Variants in IPO4 observed in about 807,000 individuals in gnomAD.
IPO4 encodes the protein importin 4, also known as importin-4.
Under a neutral mutation model 133.5 loss-of-function variants are expected in IPO4, and 91 were observed. That is an observed-to-expected ratio of 0.68 (90% CI 0.58 to 0.81). IPO4 has a LOEUF of 0.81. Ranked by LOEUF, IPO4 falls within the 30% of genes least tolerant of loss-of-function variation. The pLI, the probability that IPO4 is intolerant of heterozygous loss-of-function variation, is 0.00. For missense variants in IPO4, 1,279 were observed against 1,386.2 expected, an observed-to-expected ratio of 0.92 and a Z score of 1.23; for synonymous variants, 607 against 581.6, an observed-to-expected ratio of 1.04 and a Z score of -0.63.
In IPO4 at chr14:24,186,948, T is replaced by A. The variant is rs1229579402; in HGVS notation, c.686A>T (p.Asp229Val). 3 of 1,613,940 alleles carry A rather than the reference T, an allele frequency of 1.9e-6. No individual in the cohort carries two copies. Among genetic ancestry groups the A allele is most frequent in the African/African-American group, 1.3e-5 (1 of 74,866 alleles). ...AKACEALEAL[D>V]ELLESEVPVI... ...CGGCACCTCTGACTCCAACAGTTCA[T>A]CCAAAGCCTCAAGGGCCTCACAGGC... Residue 229 changes from aspartate (D) to valine (V), a missense_variant, in exon 8 of 30, where the codon GAT (aspartate) becomes GTT (valine). By Grantham distance (152) the Asp-to-Val change is radical. Transcript: ENST00000354464.
Position 24,184,686 on chromosome 14 carries a change from G to C in IPO4, c.1600C>G (p.Arg534Gly), listed in dbSNP as rs540480468. The C allele has an allele frequency of 1.9e-6, 3 of 1,611,524 alleles. No individual in the cohort carries two copies. The highest frequency in any genetic ancestry group is 2.5e-6 in the Non-Finnish European group (3 of 1,178,862). Residue 534 changes from arginine to glycine, a missense_variant, in exon 16 of 30, where the codon CGT becomes GGT. By Grantham distance (125) the Arg-to-Gly change is moderately radical. Around this residue, in one of 3 missense-constraint regions of IPO4, gnomAD observed 695 missense variants for 704.1 expected, o/e 0.99. Coordinates refer to ENST00000354464, the MANE Select transcript of IPO4 (RefSeq NM_024658.4). The part of the protein sequence containing the change: ...EHLREFLLTG[R>G]EDLQPVQIQS... ...ATCTGCACAGGCTGAAGGTCCTCAC[G>C]GCCTGTTAACAGGAATTCCCGCAGG...
At position 24,186,361 on chromosome 14, in the gene IPO4, C is replaced by T. The variant is rs377292502; in HGVS notation, c.931G>A (p.Glu311Lys). 8.7e-6 allele frequency: 14 copies of T among 1,613,172 alleles called. No homozygotes were observed. Among genetic ancestry groups the T allele is most frequent in the Middle Eastern group, 1.6e-4 (1 of 6,084 alleles). Residue 311 changes from glutamate to lysine, a missense_variant, in exon 10 of 30, where the codon GAG becomes AAG. Glu to Lys is a moderately conservative substitution (Grantham distance 56). This residue lies in a region of IPO4 where 695 missense variants were observed against 704.1 expected (regional missense o/e 0.99). Coordinates refer to ENST00000354464, the MANE Select transcript of IPO4 (RefSeq NM_024658.4). ...AEPPPGQLDPEDQDSEEEELE... is the reference protein window; with the variant it reads ...AEPPPGQLDPKDQDSEEEELE... ...TCTTCCTCTTCTGAATCCTGGTCCT[C>T]GGGATCCAACTGGCCTGGTGGGGGC...
At position 24,186,403 on chromosome 14, in the gene IPO4, G is replaced by A; in HGVS notation, c.889C>T (p.Pro297Ser). Residue 297 changes from proline to serine, a missense_variant, in exon 10 of 30, where the codon CCC becomes TCC. Physicochemically the swap from Pro to Ser is moderately conservative, Grantham distance 74. Coordinates refer to ENST00000354464, the MANE Select transcript of IPO4 (RefSeq NM_024658.4). ...LLPPLLHTLF[P>S]IVAAEPPPGQ... is the part of the protein sequence containing the mutation. ...GGTGGGGGCTCAGCAGCCACAATGG[G>A]GAAAAGGGTGTGCAGCAAGGGTGGC... is the stretch of plus-strand genomic sequence containing the variant. 3.1e-6 allele frequency: 5 copies of A among 1,610,952 alleles called. No homozygotes were observed. The highest frequency in any genetic ancestry group is 4.2e-6 in the Non-Finnish European group (5 of 1,178,144).
chr14:24,187,889 T>C, intron 4 of IPO4, 93 bp from the exon 5 acceptor site: 7 of 1,513,750 alleles, frequency 4.6e-6, no homozygotes, highest in Non-Finnish European at 6.3e-6. Flanking sequence ...ACAGAAACTT[T>C]CAGGAGGTGT....
At position 24,187,482 on chromosome 14, in the gene IPO4, C is replaced by T. The variant is rs368925214; in HGVS notation, c.506G>A (p.Gly169Asp). The stretch of plus-strand genomic sequence containing the variant: ...GAGCAGCCCAGGAGAGCCCACCTCA[C>T]CAAGAGTCTCATTCAGAAGCCGAAG... ...ELLRLLNETL[G>D]EVGSPGLLFY... Residue 169 changes from glycine to aspartate, a missense_variant, in exon 6 of 30, where the codon GGT becomes GAT. Coordinates refer to ENST00000354464, the MANE Select transcript of IPO4 (RefSeq NM_024658.4). The T allele has an allele frequency of 1.9e-6, 3 of 1,614,110 alleles. No homozygotes were observed. The highest frequency in any genetic ancestry group is 1.7e-6 in the Non-Finnish European group (2 of 1,179,998).
Position 24,186,794 on chromosome 14 carries a change from G to T in IPO4, c.757-3C>A, listed in dbSNP as rs1455435343. 3 of 1,613,864 alleles carry T rather than the reference G, an allele frequency of 1.9e-6. No homozygotes were observed. In the African/African-American group the frequency reaches 4.0e-5, roughly 22 times the overall value. ...CCCAGGGCCACATTTCTAGCTACCT[G>T]TCCACAGAATAATAAAAATCAGCGA... On this transcript the variant is annotated splice_polypyrimidine_tract_variant and splice_region_variant and intron_variant, in intron 8 of 29. Transcript: ENST00000354464.
intron 10 of IPO4, 30 bp downstream of exon 10, chr14:24,186,257 C>G: frequency 6.2e-7 from 1 of 1,603,616 alleles, no homozygotes; most frequent in East Asian, 2.2e-5. Flanking sequence ...CACCTAACAC[C>G]TTCCCCCTCT....
intron 24 of IPO4, 53 bp downstream of exon 24, chr14:24,182,739 C>T (rs1245315393): frequency 3.1e-6 from 5 of 1,597,786 alleles, no homozygotes; most frequent in Non-Finnish European, 4.3e-6. Flanking sequence ...CACCCCTGTC[C>T]CTGTGGAGAC....
chr14:24,188,249 G>A lies in IPO4; in HGVS notation c.245C>T (p.Ser82Phe), dbSNP rs1273079370. 5 of 1,613,754 alleles carry A rather than the reference G, an allele frequency of 3.1e-6. No homozygotes were observed. Among genetic ancestry groups the A allele is most frequent in the South Asian group, 1.1e-5 (1 of 90,984 alleles). ...LAAEQRESLK[S>F]LILTALQRET... is the part of the protein sequence containing the mutation. ...TCTCTGCAGGGCCGTCAGGATCAGG[G>A]ACTTGAGGCTGGAACACAGGTGGCA... The change falls in exon 4 of 30, where the codon TCC becomes TTC. Residue 82 changes from serine (S) to phenylalanine (F), a missense_variant. By Grantham distance (155) the Ser-to-Phe change is radical (BLOSUM62 -2). Around this residue, in one of 3 missense-constraint regions of IPO4, gnomAD observed 695 missense variants for 704.1 expected, o/e 0.99. Coordinates refer to ENST00000354464, the MANE Select transcript of IPO4 (RefSeq NM_024658.4).
intron 19 of IPO4, 50 bp from the exon 20 acceptor site, chr14:24,183,717 T>A (rs1199101197): frequency 6.2e-7 from 1 of 1,614,100 alleles, no homozygotes; most frequent in Admixed American, 1.7e-5. Context: ...GAGGAGCAGA[T>A]CCAGCACTAG....
In IPO4 at chr14:24,182,371, A is replaced by G; in HGVS notation, c.2505T>C (p.Ala835=). 6.2e-7 allele frequency: 1 copy of G among 1,613,346 alleles called. No homozygotes were observed. The highest frequency in any genetic ancestry group is 8.5e-7 in the Non-Finnish European group (1 of 1,179,710). Residue 835 remains alanine, a synonymous_variant, in exon 25 of 30, where the codon GCT becomes GCC. Coordinates refer to ENST00000354464, the MANE Select transcript of IPO4 (RefSeq NM_024658.4). ...AEYDAMLLEH[A]GEAIPALAAA... The stretch of plus-strand genomic sequence containing the variant: ...CTGCCAGGGCAGGGATGGCCTCTCC[A>G]GCGTGCTCCAGCAACATGGCGTCGT...
chr14:24,187,468 G>T lies in IPO4; in HGVS notation c.520C>A (p.Pro174Thr). 1 of 1,614,170 alleles carries T rather than the reference G, an allele frequency of 6.2e-7. No individual in the cohort carries two copies. The highest frequency in any genetic ancestry group is 1.1e-5 in the South Asian group (1 of 91,074). The change falls in exon 6 of 30, where the codon CCT becomes ACT. Residue 174 changes from proline (P) to threonine (T), a missense_variant. Transcript: ENST00000354464. ...CGCAGGGAGTAGAAGAGCAGCCCAG[G>T]AGAGCCCACCTCACCAAGAGTCTCA... ...LNETLGEVGS[P>T]GLLFYSLRTL...
At chr14:24,188,453 C>T (rs1309523342) in intron 2 of IPO4, 30 bp from the exon 3 acceptor site, 3 of 1,609,604 alleles carry the variant, frequency 1.9e-6, no homozygotes, top group African/African-American at 1.3e-5. Context: ...ACGTGGGGGT[C>T]CGGGCAGGAA....
rs757029783 is a variant in IPO4 at position 24,188,216 on chromosome 14, T to A, written c.278A>T (p.Glu93Val). 11 of 1,613,096 alleles carry A rather than the reference T, an allele frequency of 6.8e-6. No homozygotes were observed. Among genetic ancestry groups the A allele is most frequent in the Non-Finnish European group, 2.5e-6 (3 of 1,179,610 alleles). ...CCGAGAGAAGTGGGTAGGTACTTAC[T>A]CTGTTTCTCTCTGCAGGGCCGTCAG... is the stretch of plus-strand genomic sequence containing the variant. ...LILTALQRET[E>V]HCVSLSLAQL... The change falls in exon 4 of 30, where the codon GAG becomes GTG. Residue 93 changes from glutamate (E) to valine (V), a missense_variant and splice_region_variant. Physicochemically the swap from Glu to Val is moderately radical, Grantham distance 121. Transcript: ENST00000354464.
intron 26 of IPO4, 34 bp from the exon 27 acceptor site, chr14:24,181,877 G>A (rs987664555): frequency 6.2e-7 from 1 of 1,603,994 alleles, no homozygotes; most frequent in African/African-American, 1.3e-5. Flanking sequence ...CACACGCTCA[G>A]GTAGACCTTG....
At chr14:24,181,389 G>GA in intron 28 of IPO4, 124 bp downstream of exon 28, 1 of 735,830 alleles carries the variant, frequency 1.4e-6, no homozygotes, top group East Asian at 2.7e-5. Flanking sequence ...AAGAACAGCT[G>GA]AAACTGTCAC....
intron 9 of IPO4, 64 bp downstream of exon 9, chr14:24,186,644 C>T: frequency 6.7e-7 from 1 of 1,496,472 alleles, no homozygotes; most frequent in South Asian, 1.1e-5. Flanking sequence ...ACCGAAAGCC[C>T]CAGGAGTGAG....
Position 24,180,486 on chromosome 14 carries a change from C to A in IPO4, c.3202G>T (p.Val1068Phe), listed in dbSNP as rs767223120. 5.6e-6 allele frequency: 9 copies of A among 1,613,720 alleles called. No individual in the cohort carries two copies. The Admixed American group carries it at 1.5e-4, about 27-fold the overall frequency. Residue 1068 changes from valine to phenylalanine, a missense_variant, in exon 30 of 30, where the codon GTT (valine) becomes TTT (phenylalanine). By Grantham distance (50) the Val-to-Phe change is conservative. Around this residue, in one of 3 missense-constraint regions of IPO4, gnomAD observed 575 missense variants for 653.4 expected, o/e 0.88. Transcript: ENST00000354464. ...GCCTGGAGCTCCTGAGCCTTGTCAA[C>A]AGGCAGTGAGCCCAGAGCTGCTTGA... ...SFQAALGSLP[V>F]DKAQELQAVL... is the part of the protein sequence containing the mutation.
Position 24,183,483 on chromosome 14 carries a change from G to A in IPO4, c.2094C>T (p.Val698=). 6.2e-7 allele frequency: 1 copy of A among 1,613,632 alleles called. No individual in the cohort carries two copies. The highest frequency in any genetic ancestry group is 8.5e-7 in the Non-Finnish European group (1 of 1,179,802). ...SVAFLPYMES[V]FEEVFKLLEC... Reference sequence around the variant, plus strand: ...CCAGCAGTTTAAATACTTCTTCAAAGACACTTTCCATGTATGGAAGGAAGG... The same window carrying A: ...CCAGCAGTTTAAATACTTCTTCAAAAACACTTTCCATGTATGGAAGGAAGG... Residue 698 remains valine (V), a synonymous_variant, in exon 21 of 30, where the codon GTC becomes GTT. Coordinates refer to ENST00000354464, the MANE Select transcript of IPO4 (RefSeq NM_024658.4).
Sources: allele counts gnomAD v4.1 joint callset, GRCh38; gene constraint gnomAD v4.1.1; regional missense constraint gnomAD v4.1.1; transcripts MANE v1.5; gene names NCBI Gene and HGNC (gene_info 2026-07-23, HGNC 2026-07-21).